The following MPRIP variants were observed in gnomAD, a reference collection of about 807,000 sequenced individuals.
The protein encoded by MPRIP is myosin phosphatase Rho-interacting protein.
Under a neutral mutation model 234.9 loss-of-function variants are expected in MPRIP, and 59 were observed. That is an observed-to-expected ratio of 0.25 (90% CI 0.20 to 0.31). The LOEUF (loss-of-function observed/expected upper bound fraction) is 0.31. Ranked by LOEUF, MPRIP falls within the 10% of genes least tolerant of loss-of-function variation. The pLI, the probability that MPRIP is intolerant of heterozygous loss-of-function variation, is 1.00. For synonymous variants in MPRIP, 1,144 were observed against 1,263.9 expected, an observed-to-expected ratio of 0.91 and a Z score of 2.01; for missense variants, 2,436 against 3,071.0, an observed-to-expected ratio of 0.79 and a Z score of 4.89.
chr17:17,093,137 G>A (rs2089758294), intron 3 of MPRIP, among the ~76,000 whole-genome samples: 1 of 152,128 alleles, frequency 6.6e-6, no homozygotes, highest in Non-Finnish European at 1.5e-5. Context: ...TCCTGGCTGG[G>A]AAAAAAGCAT....
chr17:17,071,320 G>T (rs935837023), intron 1 of MPRIP, among the ~76,000 whole-genome samples: 3 of 151,812 alleles, frequency 2.0e-5, no homozygotes, highest in Non-Finnish European at 4.4e-5. Flanking sequence ...TTTTGTTGTT[G>T]TTTTTTTTGG....
intron 13 of MPRIP, among the ~76,000 whole-genome samples, chr17:17,155,441 A>G (rs992371058): frequency 6.6e-6 from 1 of 151,792 alleles, no homozygotes; most frequent in African/African-American, 2.4e-5. Flanking sequence ...ACGGGATTTC[A>G]CCTTGTTGGC....
In MPRIP at chr17:17,170,415, G is replaced by A. The variant is rs555590427; in HGVS notation, c.6325-1303G>A. On this transcript the variant is annotated intron_variant, in intron 16 of 23. Transcript: ENST00000651222. ...GAGCCGCTGGGAGAGGGGATGGGAC[G>A]CCTAGTTAATAGTGGCAATAGCTGA... Among the ~76,000 whole-genome samples, 13 of 152,114 alleles carry A rather than the reference G, an allele frequency of 8.5e-5. No individual in the cohort carries two copies. In the South Asian group the frequency reaches 1.2e-3, roughly 15 times the overall value.
At chr17:17,149,552 C>G (rs2045551796) in intron 11 of MPRIP, among the ~76,000 whole-genome samples, 1 of 151,636 alleles carries the variant, frequency 6.6e-6, no homozygotes, top group African/African-American at 2.4e-5. Context: ...ATCCAGCTGT[C>G]CTTTCTGAAG....
chr17:17,085,301 A>G (rs765890663), intron 3 of MPRIP, among the ~76,000 whole-genome samples: 16 of 152,124 alleles, frequency 1.1e-4, no homozygotes, highest in Admixed American at 2.0e-4. Flanking sequence ...GTGTGTTTTC[A>G]GAATCAGATC....
chr17:17,131,652 A>G lies in MPRIP; in HGVS notation c.455A>G (p.Asn152Ser), dbSNP rs774389855. 6.2e-7 allele frequency: 1 copy of G among 1,614,168 alleles called. No individual in the cohort carries two copies. The highest frequency in any genetic ancestry group is 8.5e-7 in the Non-Finnish European group (1 of 1,180,016). The change falls in exon 5 of 24, where the codon AAC (asparagine) becomes AGC (serine). Residue 152 changes from asparagine to serine, a missense_variant. Asn to Ser is a conservative substitution (Grantham distance 46). Around this residue, in one of 4 missense-constraint regions of MPRIP, gnomAD observed 140 missense variants for 207.3 expected, o/e 0.68. Coordinates refer to ENST00000651222, the MANE Select transcript of MPRIP (RefSeq NM_001364716.4). Reference sequence around the variant, plus strand: ...ATGCTCATGGTCTATCCCCGGACCAACAAGCAGAATCAGAAGAAGAAACGG... The same window carrying G: ...ATGCTCATGGTCTATCCCCGGACCAGCAAGCAGAATCAGAAGAAGAAACGG... ...LEMLMVYPRT[N>S]KQNQKKKRKV... is the part of the protein sequence containing the mutation.
At chr17:17,061,178 A>G (rs1259683853) in intron 1 of MPRIP, among the ~76,000 whole-genome samples, 1 of 152,230 alleles carries the variant, frequency 6.6e-6, no homozygotes, top group East Asian at 1.9e-4. Context: ...GCCACAGGAC[A>G]CACAAGGTCT....
intron 3 of MPRIP, among the ~76,000 whole-genome samples, chr17:17,109,016 C>T (rs776266890): frequency 3.9e-5 from 6 of 152,228 alleles, no homozygotes; most frequent in East Asian, 1.9e-4. Context: ...TTTCTGAAAG[C>T]GCTCAAACAG....
At chr17:17,180,632 A>G (rs1009323326) in intron 23 of MPRIP, 2 of 1,614,078 alleles carry the variant, frequency 1.2e-6, no homozygotes, top group Non-Finnish European at 1.7e-6. Flanking sequence ...GTCTCGTGGG[A>G]TACCTGAAAT....
chr17:17,091,450 C>G (rs748884833), intron 3 of MPRIP, among the ~76,000 whole-genome samples: 4 of 152,148 alleles, frequency 2.6e-5, no homozygotes, highest in African/African-American at 4.8e-5. Flanking sequence ...TTGGTGTGAA[C>G]AGGGCAGTTG....
Position 17,138,152 on chromosome 17 carries a change from A to C in MPRIP, c.973A>C (p.Met325Leu). 2.9e-5 allele frequency: 37 copies of C among 1,285,014 alleles called. No homozygotes were observed. Among genetic ancestry groups the C allele is most frequent in the Middle Eastern group, 3.9e-4 (2 of 5,096 alleles). 79.6% of individuals were successfully genotyped at this position (1,285,014 alleles called of 1,614,324 possible). Residue 325 changes from methionine (M) to leucine (L), a missense_variant, in exon 7 of 24, where the codon ATG (methionine) becomes CTG (leucine). Met to Leu is a conservative substitution (Grantham distance 15). Around this residue, in one of 4 missense-constraint regions of MPRIP, gnomAD observed 267 missense variants for 252.7 expected, o/e 1.06. Coordinates refer to ENST00000651222, the MANE Select transcript of MPRIP (RefSeq NM_001364716.4). The surrounding 1 kb of genome is among the most constrained non-coding windows in gnomAD (Gnocchi z 5.8). ...CCCAGGTCCTCGACTCCCCCACCAA[A>C]TGGTCTGCAGCATCTCCCTCAGCTC... ...PSPGPRLPHQ[M>L]VCSISLSSLD...
intron 23 of MPRIP, chr17:17,182,487 G>A (rs2046392781): frequency 6.6e-6 from 1 of 152,282 alleles, no homozygotes; most frequent in African/African-American, 2.4e-5. Context: ...ACAGCCTAGG[G>A]GGAGATGAAC....
intron 1 of MPRIP, among the ~76,000 whole-genome samples, chr17:17,045,857 G>A (rs540077354): frequency 4.7e-4 from 71 of 149,616 alleles, no homozygotes; most frequent in African/African-American, 1.7e-3. Context: ...CCAGGCTGGT[G>A]TGCAGTGGCG....
At chr17:17,158,181 C>T (rs1171365737) in intron 13 of MPRIP, among the ~76,000 whole-genome samples, 1 of 152,226 alleles carries the variant, frequency 6.6e-6, no homozygotes, top group East Asian at 1.9e-4. Context: ...CTTTCTGAGG[C>T]TCTTTTCCCT....
chr17:17,083,643 T>A (rs930683338), intron 3 of MPRIP, among the ~76,000 whole-genome samples: 8 of 152,174 alleles, frequency 5.3e-5, no homozygotes, highest in African/African-American at 1.9e-4. Flanking sequence ...CCCTAAGCCA[T>A]TTTTTTGCAG....
chr17:17,147,411 G>A, intron 11 of MPRIP, 24 bp downstream of exon 11: 1 of 1,612,170 alleles, frequency 6.2e-7, no homozygotes. Flanking sequence ...CTTTGCCTCT[G>A]CTGTGGAGAC....
At position 17,164,626 on chromosome 17, in the gene MPRIP, G is replaced by A. The variant is rs978210133; in HGVS notation, c.3035G>A (p.Arg1012Gln). ...QQLGASEQAQ[R>Q]LMEEKLQRNY... Reference sequence around the variant, plus strand: ...CTGGGCGCCAGTGAGCAGGCGCAGCGGCTGATGGAGGAGAAGCTGCAGAGA... The same window carrying A: ...CTGGGCGCCAGTGAGCAGGCGCAGCAGCTGATGGAGGAGAAGCTGCAGAGA... Residue 1012 changes from arginine to glutamine, a missense_variant, in exon 16 of 24, where the codon CGG becomes CAG. This residue lies in a region of MPRIP where 1,998 missense variants were observed against 2,520.3 expected (regional missense o/e 0.79). Transcript: ENST00000651222. 54 of 1,221,574 alleles carry A rather than the reference G, an allele frequency of 4.4e-5. No individual in the cohort carries two copies. Among genetic ancestry groups the A allele is most frequent in the African/African-American group, 3.2e-4 (20 of 62,948 alleles). 75.7% of individuals were successfully genotyped at this position (1,221,574 alleles called of 1,614,324 possible).
chr17:17,179,997 C>A lies in MPRIP; in HGVS notation c.7121-6C>A. 1.3e-6 allele frequency: 2 copies of A among 1,589,612 alleles called. No homozygotes were observed. ...CAGGTCTGTTTGTTTTCATTATATACCGCAGATATAATGAAATCTAAAAGC... is the reference window on the plus strand; with the variant it reads ...CAGGTCTGTTTGTTTTCATTATATAACGCAGATATAATGAAATCTAAAAGC... On this transcript the variant is annotated splice_region_variant and splice_polypyrimidine_tract_variant and intron_variant, in intron 22 of 23. Coordinates refer to ENST00000651222, the MANE Select transcript of MPRIP (RefSeq NM_001364716.4).
chr17:17,082,390 G>C (rs546081941), intron 3 of MPRIP, among the ~76,000 whole-genome samples: 3 of 133,446 alleles, frequency 2.2e-5, no homozygotes, highest in South Asian at 2.4e-4. Context: ...CCGACTCCCA[G>C]GTTCAAACCA....
Sources: gnomAD v4.1 joint callset for allele counts (sites outside exome capture counted in the v4.1 genomes callset) on GRCh38, gnomAD v4.1.1 for gene constraint, gnomAD v4.1.1 regional missense constraint, Gnocchi (gnomAD v3.1) non-coding constraint, MANE v1.5 for transcripts, NCBI Gene and HGNC (gene_info 2026-07-23, HGNC 2026-07-21) for gene names.